Variants in AGBL1 observed in about 807,000 individuals in gnomAD.
The protein encoded by AGBL1 is AGBL carboxypeptidase 1, also known as cytosolic carboxypeptidase 4.
A neutral mutation model predicts 118.9 loss-of-function variants in AGBL1; 130 were observed. The ratio of observed to expected loss-of-function variants is 1.09; its 90% CI spans 0.95 to 1.26. The LOEUF is 1.26. Among genes scored for constraint, AGBL1 ranks in the 50% most tolerant of loss-of-function variants. The pLI is 0.00. For synonymous variants in AGBL1, 555 were observed against 478.9 expected (o/e 1.16, Z -2.08); for missense variants, 1,584 against 1,298.1 (o/e 1.22, Z -3.38).
At chr15:87,017,691 A>G (rs962727755) in intron 24 of AGBL1, among the ~76,000 whole-genome samples, 53 of 152,286 alleles carry the variant, frequency 3.5e-4, no homozygotes, top group Middle Eastern at 3.4e-3. Context: ...AAGATGAGAA[A>G]GAATCAACAC....
chr15:86,783,757 G>A (rs537850442), intron 22 of AGBL1, among the ~76,000 whole-genome samples: 1 of 152,184 alleles, frequency 6.6e-6, no homozygotes, highest in Admixed American at 6.5e-5. Context: ...AGCCTCCCAA[G>A]TATCTGGGAT....
At chr15:86,258,609 T>C (rs775982638) in intron 9 of AGBL1, among the ~76,000 whole-genome samples, 15 of 152,224 alleles carry the variant, frequency 9.9e-5, no homozygotes, top group Non-Finnish European at 1.8e-4. Context: ...ATTTTAGGCT[T>C]TGTGGACCAT....
intron 5 of AGBL1, among the ~76,000 whole-genome samples, chr15:86,163,157 C>T (rs1377086542): frequency 6.6e-6 from 1 of 152,234 alleles, no homozygotes; most frequent in Non-Finnish European, 1.5e-5. Context: ...TCAAACGAGG[C>T]TGAGCATGGT....
At chr15:86,101,802 C>CT (rs1364817372) in intron 1 of AGBL1, among the ~76,000 whole-genome samples, 5 of 151,978 alleles carry the variant, frequency 3.3e-5, no homozygotes, top group Non-Finnish European at 7.4e-5. Flanking sequence ...GCATATAGTT[C>CT]AGTGTTTTCT....
chr15:87,023,455 T>TAACA (rs1404853487), intron 24 of AGBL1, among the ~76,000 whole-genome samples: 1 of 152,042 alleles, frequency 6.6e-6, no homozygotes, highest in Non-Finnish European at 1.5e-5. Context: ...TATATGCACC[T>TAACA]AACACTGGAG....
chr15:86,429,320 A>C (rs4313781), intron 18 of AGBL1, among the ~76,000 whole-genome samples: 88,258 of 152,128 alleles, frequency 0.58, 27,305 homozygotes, highest in African/African-American at 0.78. Flanking sequence ...ACTCCATGGG[A>C]TGGGCCTATT....
At chr15:86,737,343 C>T (rs368389443) in intron 22 of AGBL1, among the ~76,000 whole-genome samples, 3 of 152,172 alleles carry the variant, frequency 2.0e-5, no homozygotes, top group Non-Finnish European at 4.4e-5. Context: ...GGTGATATTC[C>T]TTGTTCAATG....
Position 86,181,355 on chromosome 15 carries a change from A to G in AGBL1, c.488+22329A>G, listed in dbSNP as rs141751491. On this transcript the variant is annotated intron_variant, in intron 5 of 22. Coordinates refer to ENST00000614907, the MANE Select transcript of AGBL1 (RefSeq NM_001386094.1). The stretch of plus-strand genomic sequence containing the variant: ...AATACAAAGAGAAAATTATTGATAT[A>G]TGCTGCAACATGAATAAATCTCAAA... 8.7e-4 allele frequency among the ~76,000 whole-genome samples: 132 copies of G among 152,254 alleles called. No homozygotes were observed. In the South Asian group the frequency reaches 0.012, roughly 14 times the overall value.
rs1035558775 is a variant in AGBL1, at chr15:86,850,669, C to T, written c.3159-56418C>T. ...TTACCTAAATTAACCTTGACCATTT[C>T]CTTTAACTATAAAATGGGAGTGATA... On this transcript the variant is annotated intron_variant, in intron 22 of 22. Coordinates refer to ENST00000614907, the MANE Select transcript of AGBL1 (RefSeq NM_001386094.1). Among the ~76,000 whole-genome samples, 3 of 152,218 alleles carry T rather than the reference C, an allele frequency of 2.0e-5. No individual in the cohort carries two copies. In the South Asian group the frequency reaches 6.2e-4, roughly 32 times the overall value.
chr15:86,586,217 G>A (rs1411824068), intron 21 of AGBL1, among the ~76,000 whole-genome samples: 1 of 152,126 alleles, frequency 6.6e-6, no homozygotes, highest in Non-Finnish European at 1.5e-5. Context: ...CTCCTAGCCT[G>A]TAATTCTAAG....
At chr15:86,861,717 A>T (rs991192780) in intron 22 of AGBL1, among the ~76,000 whole-genome samples, 3 of 152,220 alleles carry the variant, frequency 2.0e-5, no homozygotes, top group African/African-American at 7.2e-5. Context: ...GTTTTTTAAA[A>T]CATTGCCTCA....
rs182341523 is a variant in AGBL1, at chr15:86,217,858, G to T, written c.489-7056G>T. ...TTCAGATTTGGATTTTTTATCCAGA[G>T]CAAGAGTGGATGTGGGGTAGCAATG... On this transcript the variant is annotated intron_variant, in intron 5 of 22. Transcript: ENST00000614907. Among the ~76,000 whole-genome samples, 652 of 152,244 alleles carry T rather than the reference G, an allele frequency of 4.3e-3. 3 individuals are homozygous for T. Among genetic ancestry groups the T allele is most frequent in the African/African-American group, 0.015 (627 of 41,566 alleles).
intron 6 of AGBL1, among the ~76,000 whole-genome samples, chr15:86,227,007 A>AT (rs1274597566): frequency 6.6e-6 from 1 of 152,080 alleles, no homozygotes; most frequent in Admixed American, 6.5e-5. Flanking sequence ...TGTTGACTAA[A>AT]TTTTTTTTGT....
intron 24 of AGBL1, among the ~76,000 whole-genome samples, chr15:87,019,564 T>C (rs542451986): frequency 6.6e-6 from 1 of 152,180 alleles, no homozygotes; most frequent in East Asian, 1.9e-4. Context: ...AAGAAGTTCT[T>C]TGAAACTAAT....
intron 22 of AGBL1, among the ~76,000 whole-genome samples, chr15:86,820,670 G>C (rs1423954312): frequency 6.6e-6 from 1 of 152,156 alleles, no homozygotes; most frequent in Non-Finnish European, 1.5e-5. Context: ...TCATTAAAAA[G>C]TCAGGAAACA....
chr15:86,993,803 A>G (rs1268132776), intron 24 of AGBL1, among the ~76,000 whole-genome samples: 2 of 152,130 alleles, frequency 1.3e-5, no homozygotes, highest in East Asian at 3.9e-4. Flanking sequence ...CCTTCTCAGT[A>G]TGCTTTTTGT....
At chr15:86,374,432 A>C (rs1474739111) in intron 17 of AGBL1, among the ~76,000 whole-genome samples, 1 of 152,248 alleles carries the variant, frequency 6.6e-6, no homozygotes, top group Non-Finnish European at 1.5e-5. Context: ...GGAGATGATG[A>C]GAACCAGGCA....
At position 86,983,121 on chromosome 15, in the gene AGBL1, A is replaced by G. The variant is rs1021621807; in HGVS notation, c.3222-4866A>G. ...TTGGTGTCTTATTATGGTTCTAATT[A>G]GTATTTCCATGATTACTATTGAGTT... On this transcript the variant is annotated intron_variant, in intron 23 of 24. Transcript: ENST00000441037. 3.3e-5 allele frequency among the ~76,000 whole-genome samples: 5 copies of G among 152,250 alleles called. No individual in the cohort carries two copies. In the South Asian group the frequency reaches 1.0e-3, roughly 32 times the overall value.
At chr15:86,334,734 A>G (rs1303736366) in intron 17 of AGBL1, among the ~76,000 whole-genome samples, 1 of 152,222 alleles carries the variant, frequency 6.6e-6, no homozygotes, top group African/African-American at 2.4e-5. Context: ...ACAAACCTGG[A>G]GGTATCACAT....
Sources: gnomAD v4.1 joint callset for allele counts (sites outside exome capture counted in the v4.1 genomes callset) on GRCh38, gnomAD v4.1.1 for gene constraint, MANE v1.5 for transcripts, NCBI Gene and HGNC (gene_info 2026-07-23, HGNC 2026-07-21) for gene names.